KCMF1: variants seen among roughly 807,000 people sequenced by gnomAD.
KCMF1 encodes the protein E3 ubiquitin-protein ligase KCMF1.
In KCMF1, 3 loss-of-function variants were observed where a neutral mutation model predicts 41.1. That is an observed-to-expected ratio of 0.07 (90% CI 0.03 to 0.19). The LOEUF (loss-of-function observed/expected upper bound fraction) is 0.19. Ranked by LOEUF, KCMF1 falls within the 10% of genes least tolerant of loss-of-function variation. The pLI is 1.00. For missense variants in KCMF1, 286 were observed against 488.9 expected (o/e 0.58, Z 3.91); for synonymous variants, 142 against 164.5 (o/e 0.86, Z 1.04).
intron 1 of KCMF1, among the ~76,000 whole-genome samples, chr2:84,998,501 C>A (rs1674231239): frequency 6.6e-6 from 1 of 152,162 alleles, no homozygotes; most frequent in Admixed American, 6.6e-5. Context: ...TAATTCTTTT[C>A]TGTTTTTAAG....
At position 85,035,128 on chromosome 2, in the gene KCMF1, T is replaced by G. The variant is rs1675376530; in HGVS notation, c.297T>G (p.Ser99=). ...TETSLQEHVT[S]EHAETSTEVI... is the part of the protein sequence containing the mutation. ...CATCTCTTCAAGAACATGTTACTTC[T>G]GAACATGCAGAAACATCAACAGAAG... Residue 99 remains serine, a synonymous_variant, in exon 3 of 7, where the codon TCT becomes TCG. Transcript: ENST00000409785. The G allele has an allele frequency of 2.5e-6, 4 of 1,613,184 alleles. No homozygotes were observed. In the East Asian group the frequency reaches 8.9e-5, roughly 36 times the overall value.
At chr2:85,022,886 C>CTTTTTTT (rs34732141) in intron 1 of KCMF1, among the ~76,000 whole-genome samples, 9 of 111,728 alleles carry the variant, frequency 8.1e-5, no homozygotes, top group African/African-American at 1.4e-4. Flanking sequence ...TGTATGTATT[C>CTTTTTTT]TTTTTTTTTT....
intron 1 of KCMF1, among the ~76,000 whole-genome samples, chr2:85,008,053 G>C (rs565263981): frequency 1.3e-5 from 2 of 151,608 alleles, no homozygotes; most frequent in Non-Finnish European, 2.9e-5. Flanking sequence ...GTGAGCCACC[G>C]TGCCCAGCCG....
intron 2 of KCMF1, among the ~76,000 whole-genome samples, chr2:85,029,297 G>A (rs867194308): frequency 6.6e-6 from 1 of 151,956 alleles, no homozygotes; most frequent in East Asian, 1.9e-4. Flanking sequence ...AAAACAGATT[G>A]TTGGCTGGTT....
rs1313957001 is a variant in KCMF1 at position 84,973,799 on chromosome 2, CTTTCTTTCTTTTTCTTTA to C, written c.16+2346_16+2363del. Among the ~76,000 whole-genome samples the C allele has an allele frequency of 7.0e-3, 966 of 137,028 alleles. 6 individuals are homozygous for C. Among genetic ancestry groups the C allele is most frequent in the Middle Eastern group, 0.019 (5 of 268 alleles). 89.9% of individuals were successfully genotyped at this position (137,028 alleles called of 152,430 possible). Reference sequence around the variant, plus strand: ...ATCCCATTTCTTTCAGCATTTCTTTCTTTCTTTCTTTTTCTTTATTTCTTTCTTTTTTTTTTTTTTTTT... The same window carrying C: ...ATCCCATTTCTTTCAGCATTTCTTTCTTTCTTTCTTTTTTTTTTTTTTTTT... On this transcript the variant is annotated intron_variant, in intron 1 of 6. Transcript: ENST00000409785.
At chr2:85,042,259 A>G (rs112141271) in intron 3 of KCMF1, among the ~76,000 whole-genome samples, 7 of 152,342 alleles carry the variant, frequency 4.6e-5, no homozygotes, top group African/African-American at 1.7e-4. Context: ...AGAGAGACTG[A>G]TATCAAATCA....
At chr2:84,999,165 A>G (rs115971160) in intron 1 of KCMF1, among the ~76,000 whole-genome samples, 100 of 151,948 alleles carry the variant, frequency 6.6e-4, no homozygotes, top group Non-Finnish European at 1.1e-3. Flanking sequence ...TTATTTATAT[A>G]TCTGAGACAG....
chr2:85,013,349 G>A (rs1674692583), intron 1 of KCMF1, among the ~76,000 whole-genome samples: 1 of 152,074 alleles, frequency 6.6e-6, no homozygotes, highest in African/African-American at 2.4e-5. Flanking sequence ...ACTTGACTGG[G>A]AATCTATCAC....
Position 84,971,481 on chromosome 2 carries a change from C to T in KCMF1, c.16+14C>T, listed in dbSNP as rs1413682407. 4.0e-6 allele frequency: 5 copies of T among 1,250,724 alleles called. No individual in the cohort carries two copies. Among genetic ancestry groups the T allele is most frequent in the Non-Finnish European group, 5.1e-6 (5 of 975,342 alleles). 77.5% of individuals were successfully genotyped at this position (1,250,724 alleles called of 1,614,324 possible). A position where few individuals can be genotyped will look rare whatever the true frequency, so the allele number is the denominator to read the frequency against. On this transcript the variant is annotated intron_variant, in intron 1 of 6. Coordinates refer to ENST00000409785, the MANE Select transcript of KCMF1 (RefSeq NM_020122.5). ...CCCGACATGAAGGTGAGAGGAGCCC[C>T]CGCCCCCACCCGCACCTCCCGGGCC...
At chr2:85,000,168 C>A (rs985538750) in intron 1 of KCMF1, among the ~76,000 whole-genome samples, 2 of 152,088 alleles carry the variant, frequency 1.3e-5, no homozygotes, top group African/African-American at 4.8e-5. Flanking sequence ...TGGAGTCACC[C>A]AGGCTGGAGT....
chr2:84,979,503 A>G (rs1435222240), intron 1 of KCMF1, among the ~76,000 whole-genome samples: 1 of 144,062 alleles, frequency 6.9e-6, no homozygotes, highest in Non-Finnish European at 1.5e-5. Context: ...AGCCTGAGCA[A>G]CAAGAGCGAA....
chr2:85,049,030 AT>A (rs1675740107), intron 5 of KCMF1, among the ~76,000 whole-genome samples: 1 of 152,236 alleles, frequency 6.6e-6, no homozygotes, highest in African/African-American at 2.4e-5. Context: ...GAGAGCTTAT[AT>A]TATAATTGGG....
intron 6 of KCMF1, among the ~76,000 whole-genome samples, chr2:85,051,993 A>G (rs762327141): frequency 1.3e-5 from 2 of 152,220 alleles, no homozygotes; most frequent in Non-Finnish European, 2.9e-5. Flanking sequence ...TTGCCCTGCA[A>G]CTGATGGTAA....
intron 6 of KCMF1, 127 bp downstream of exon 6, chr2:85,049,775 A>G: frequency 1.4e-6 from 1 of 732,986 alleles, no homozygotes; most frequent in Non-Finnish European, 2.2e-6. Context: ...AAACTCACAG[A>G]TCTCTGATTA....
rs753277559 is a variant in KCMF1, at chr2:85,053,393, C to T, written c.1130C>T (p.Pro377Leu). The T allele has an allele frequency of 1.8e-5, 29 of 1,612,266 alleles. No individual in the cohort carries two copies. The South Asian group carries it at 3.0e-4, about 17-fold the overall frequency. Residue 377 changes from proline (P) to leucine (L), a missense_variant, in exon 7 of 7, where the codon CCA becomes CTA. Transcript: ENST00000409785. ...LKESNKGNEP[P>L]PPPL Reference sequence around the variant, plus strand: ...GAGAGTAATAAAGGAAATGAGCCTCCACCACCTCCTCTTTGATGACATCCC... The same window carrying T: ...GAGAGTAATAAAGGAAATGAGCCTCTACCACCTCCTCTTTGATGACATCCC...
intron 4 of KCMF1, among the ~76,000 whole-genome samples, chr2:85,044,645 G>A (rs184699684): frequency 6.6e-6 from 1 of 152,182 alleles, no homozygotes; most frequent in Non-Finnish European, 1.5e-5. Context: ...GCCTCCCAAA[G>A]TGCTGGGATT....
intron 1 of KCMF1, among the ~76,000 whole-genome samples, chr2:84,999,754 A>G (rs1345273420): frequency 6.6e-6 from 1 of 152,248 alleles, no homozygotes; most frequent in African/African-American, 2.4e-5. Flanking sequence ...AACATAAGAC[A>G]AATTACATAC....
rs1222597886 is a variant in KCMF1, at chr2:85,058,039, C to CT, written c.*4632dup. ...AGTCTGACTGTCCCAGGTAACTTTA[C>CT]TTGCTGTACAGATAGTGCACAGATA... On this transcript the variant is annotated 3_prime_UTR_variant, in exon 7 of 7. Transcript: ENST00000409785. 25 of 152,356 alleles carry CT rather than the reference C, an allele frequency of 1.6e-4. No individual in the cohort carries two copies. Among genetic ancestry groups the CT allele is most frequent in the Admixed American group, 1.4e-3 (22 of 15,306 alleles). 9.4% of individuals were successfully genotyped at this position (152,356 alleles called of 1,614,324 possible).
intron 3 of KCMF1, among the ~76,000 whole-genome samples, chr2:85,039,710 G>C (rs1675479863): frequency 6.6e-6 from 1 of 152,160 alleles, no homozygotes. Flanking sequence ...TAAAAAGCAA[G>C]ACTGATGGTG....
Sources: allele counts gnomAD v4.1 joint callset (sites outside exome capture counted in the v4.1 genomes callset), GRCh38; gene constraint gnomAD v4.1.1; transcripts MANE v1.5; gene names NCBI Gene and HGNC (gene_info 2026-07-23, HGNC 2026-07-21).